Variants in NRXN3 observed in about 807,000 individuals in gnomAD.
The protein encoded by NRXN3 is neurexin III.
In NRXN3, 32 loss-of-function variants were observed where a neutral mutation model predicts 137.6. The observed-to-expected ratio is 0.23, with a 90% CI of 0.18 to 0.31. The LOEUF (loss-of-function observed/expected upper bound fraction) is 0.31, where lower values mean the gene tolerates loss of function less well. Ranked by LOEUF, NRXN3 falls within the 10% of genes least tolerant of loss-of-function variation. The pLI, the probability that NRXN3 is intolerant of heterozygous loss-of-function variation, is 1.00. For synonymous variants in NRXN3, 798 were observed against 784.5 expected, an observed-to-expected ratio of 1.02 and a Z score of -0.29; for missense variants, 1,574 against 2,062.5, an observed-to-expected ratio of 0.76 and a Z score of 4.59.
intron 1 of NRXN3, among the ~76,000 whole-genome samples, chr14:78,192,982 C>A (rs2153379045): frequency 1.3e-5 from 2 of 152,270 alleles, no homozygotes; most frequent in African/African-American, 4.8e-5. Context: ...ATTTAGCAAG[C>A]TGAGAGAAAG....
intron 15 of NRXN3, among the ~76,000 whole-genome samples, chr14:78,992,666 CAA>C (rs1237097031): frequency 6.6e-6 from 1 of 152,132 alleles, no homozygotes; most frequent in African/African-American, 2.4e-5. Flanking sequence ...CACACATGTG[CAA>C]AAGGGTTGTC....
At chr14:79,355,010 A>G (rs917293537) in intron 15 of NRXN3, among the ~76,000 whole-genome samples, 2 of 152,214 alleles carry the variant, frequency 1.3e-5, no homozygotes, top group Non-Finnish European at 2.9e-5. Flanking sequence ...GTCAGTCAGC[A>G]TAGATGCATA....
intron 10 of NRXN3, among the ~76,000 whole-genome samples, chr14:78,941,767 T>C (rs142191569): frequency 6.6e-6 from 1 of 152,360 alleles, no homozygotes; most frequent in Non-Finnish European, 1.5e-5. Flanking sequence ...TAAGCTCCAG[T>C]ACAAAGTGTA....
chr14:78,588,578 C>T (rs2097089390), intron 4 of NRXN3, among the ~76,000 whole-genome samples: 1 of 152,204 alleles, frequency 6.6e-6, no homozygotes, highest in South Asian at 2.1e-4. Flanking sequence ...AGGCAAATCT[C>T]TTGGCCTCTC....
intron 19 of NRXN3, among the ~76,000 whole-genome samples, chr14:79,768,934 T>C (rs1302567236): frequency 6.6e-6 from 1 of 151,012 alleles, no homozygotes; most frequent in African/African-American, 2.4e-5. Flanking sequence ...TTAAAGGAGC[T>C]GATGGAGCTG....
intron 19 of NRXN3, among the ~76,000 whole-genome samples, chr14:79,717,953 G>T (rs2098829295): frequency 6.6e-6 from 1 of 152,146 alleles, no homozygotes. Context: ...CATCACCCTT[G>T]TAGACTCTGA....
At chr14:78,398,041 C>G (rs2091669636) in intron 4 of NRXN3, among the ~76,000 whole-genome samples, 1 of 150,928 alleles carries the variant, frequency 6.6e-6, no homozygotes, top group African/African-American at 2.4e-5. Flanking sequence ...CTGGTGAAAC[C>G]CTGTCTCTAC....
At chr14:79,716,180 A>G (rs1308022078) in intron 19 of NRXN3, among the ~76,000 whole-genome samples, 2 of 152,234 alleles carry the variant, frequency 1.3e-5, no homozygotes. Context: ...CCTCTGTGCT[A>G]TGCCAAAGGT....
intron 15 of NRXN3, among the ~76,000 whole-genome samples, chr14:79,359,758 A>T (rs2093619304): frequency 6.6e-6 from 1 of 151,932 alleles, no homozygotes; most frequent in African/African-American, 2.4e-5. Context: ...TTTAGTAGAC[A>T]TGGGGTTTCA....
chr14:78,289,709 A>T (rs903943017), intron 3 of NRXN3, among the ~76,000 whole-genome samples: 1 of 151,964 alleles, frequency 6.6e-6, no homozygotes, highest in Non-Finnish European at 1.5e-5. Flanking sequence ...AGGTCAAGAG[A>T]TCAAGACCGT....
Position 79,864,496 on chromosome 14 carries a change from T to C in NRXN3, c.*2532T>C, listed in dbSNP as rs1375461972. On this transcript the variant is annotated 3_prime_UTR_variant, in exon 21 of 21. Coordinates refer to ENST00000335750, the MANE Select transcript of NRXN3 (RefSeq NM_001330195.2). ...CTGAAGCTAATTATGTCATATCTTA[T>C]TAAAAGCCGAGTAAGAGCTAGACCA... The C allele has an allele frequency of 6.6e-6, 1 of 152,632 alleles. No individual in the cohort carries two copies. The highest frequency in any genetic ancestry group is 1.5e-5 in the Non-Finnish European group (1 of 68,036). The allele number at this position is 152,632 out of a possible 1,614,324, so 9.5% of individuals were successfully genotyped here. A position where few individuals can be genotyped will look rare whatever the true frequency, so the allele number is the denominator to read the frequency against.
intron 15 of NRXN3, among the ~76,000 whole-genome samples, chr14:79,143,329 C>T (rs1245757362): frequency 6.6e-6 from 1 of 152,192 alleles, no homozygotes; most frequent in East Asian, 1.9e-4. Flanking sequence ...TATGTTGGCT[C>T]CTGTAAGCTT....
At chr14:79,226,925 C>T (rs1402966758) in intron 15 of NRXN3, among the ~76,000 whole-genome samples, 2 of 150,000 alleles carry the variant, frequency 1.3e-5, no homozygotes, top group South Asian at 2.1e-4. Context: ...AAGCAATTCT[C>T]CTTTCTCAAG....
intron 14 of NRXN3, among the ~76,000 whole-genome samples, chr14:78,969,292 T>C (rs1405067037): frequency 6.6e-6 from 1 of 152,204 alleles, no homozygotes; most frequent in East Asian, 1.9e-4. Flanking sequence ...CTTTGCAGTG[T>C]AAACAATCTA....
chr14:78,559,352 A>G (rs1178630146), intron 4 of NRXN3, among the ~76,000 whole-genome samples: 1 of 151,924 alleles, frequency 6.6e-6, no homozygotes, highest in African/African-American at 2.4e-5. Flanking sequence ...CTATGTTTTC[A>G]TTTAGTTGGT....
intron 16 of NRXN3, among the ~76,000 whole-genome samples, chr14:79,544,575 T>C (rs990926573): frequency 7.2e-5 from 11 of 152,304 alleles, no homozygotes; most frequent in Admixed American, 5.9e-4. Flanking sequence ...ATTTTCAGAT[T>C]CTGGAATTCT....
chr14:78,267,495 C>T (rs1182293756), intron 2 of NRXN3, among the ~76,000 whole-genome samples: 1 of 152,024 alleles, frequency 6.6e-6, no homozygotes, highest in Non-Finnish European at 1.5e-5. Context: ...AATTTAAGAA[C>T]AGCCTGGGCA....
intron 15 of NRXN3, among the ~76,000 whole-genome samples, chr14:79,000,858 G>A (rs538649732): frequency 5.9e-5 from 9 of 152,120 alleles, no homozygotes; most frequent in South Asian, 4.2e-4. Flanking sequence ...ACAAACTCTC[G>A]GTATTGTTAG....
intron 3 of NRXN3, among the ~76,000 whole-genome samples, chr14:78,293,177 C>G (rs2075978701): frequency 6.6e-6 from 1 of 151,924 alleles, no homozygotes; most frequent in Non-Finnish European, 1.5e-5. Context: ...AAAAAAGAAC[C>G]TCCAGGATAT....
Sources: allele counts gnomAD v4.1 joint callset (sites outside exome capture counted in the v4.1 genomes callset), GRCh38; gene constraint gnomAD v4.1.1; transcripts MANE v1.5; gene names NCBI Gene and HGNC (gene_info 2026-07-23, HGNC 2026-07-21).